Variants in CDH8 observed in about 807,000 individuals in gnomAD.
The protein encoded by CDH8 is cadherin 8.
Under a neutral mutation model 68.1 loss-of-function variants are expected in CDH8, and 17 were observed. The ratio of observed to expected loss-of-function variants is 0.25; its 90% CI spans 0.17 to 0.37. The LOEUF (loss-of-function observed/expected upper bound fraction) is 0.37. CDH8 is among the 10% of genes least tolerant of loss of function. The pLI, the probability that CDH8 is intolerant of heterozygous loss-of-function variation, is 1.00. For synonymous variants in CDH8, 372 were observed against 365.1 expected, an observed-to-expected ratio of 1.02 and a Z score of -0.21; for missense variants, 763 against 999.3, an observed-to-expected ratio of 0.76 and a Z score of 3.19.
At chr16:61,826,995 TA>T (rs1962350382) in intron 4 of CDH8, among the ~76,000 whole-genome samples, 1 of 142,702 alleles carries the variant, frequency 7.0e-6, no homozygotes, top group Non-Finnish European at 1.5e-5. Context: ...TAGTTAGAAA[TA>T]AAAACAGAAA....
At chr16:61,980,675 G>T (rs1488455566) in intron 2 of CDH8, among the ~76,000 whole-genome samples, 1 of 152,132 alleles carries the variant, frequency 6.6e-6, no homozygotes, top group African/African-American at 2.4e-5. Context: ...AATGTAAAAA[G>T]TTGAGTAGAT....
intron 8 of CDH8, among the ~76,000 whole-genome samples, chr16:61,734,100 A>C (rs1487946744): frequency 1.3e-5 from 2 of 152,100 alleles, no homozygotes; most frequent in Non-Finnish European, 2.9e-5. Context: ...TTCTCTCAGA[A>C]CTTATAGTAC....
Position 61,757,180 on chromosome 16 carries a change from C to T in CDH8, c.1415-29965G>A, listed in dbSNP as rs139922228. ...GTTTTAGTGGATTTAAGAAACATTC[C>T]CGGGTCACACAGTGGGTTAGACTGC... On this transcript the variant is annotated intron_variant, in intron 8 of 11. Coordinates refer to ENST00000577390, the MANE Select transcript of CDH8 (RefSeq NM_001796.5). Among the ~76,000 whole-genome samples the T allele has an allele frequency of 1.4e-4, 21 of 152,090 alleles. No homozygotes were observed. The East Asian group carries it at 4.1e-3, about 29-fold the overall frequency.
intron 7 of CDH8, 23 bp downstream of exon 7, chr16:61,817,456 T>C (rs894841480): frequency 3.1e-6 from 5 of 1,612,496 alleles, no homozygotes; most frequent in East Asian, 4.5e-5. Context: ...CAGTAGCCAG[T>C]ATTCCTTTTA....
At chr16:61,705,234 C>T (rs1964505575) in intron 10 of CDH8, among the ~76,000 whole-genome samples, 1 of 152,066 alleles carries the variant, frequency 6.6e-6, no homozygotes, top group Non-Finnish European at 1.5e-5. Flanking sequence ...GAGATCAGAA[C>T]AATAGTATTC....
chr16:61,778,736 A>G (rs554811083), intron 8 of CDH8, among the ~76,000 whole-genome samples: 23 of 152,280 alleles, frequency 1.5e-4, no homozygotes, highest in African/African-American at 5.5e-4. Context: ...GGAAACTGAG[A>G]GTAAAAGAGA....
chr16:61,831,498 A>G (rs2143004339), intron 4 of CDH8, among the ~76,000 whole-genome samples: 1 of 151,970 alleles, frequency 6.6e-6, no homozygotes, highest in Non-Finnish European at 1.5e-5. Flanking sequence ...AGTTCCTCTT[A>G]GTGCTCAACA....
chr16:62,003,912 T>C (rs1448881508), intron 2 of CDH8, among the ~76,000 whole-genome samples: 1 of 152,192 alleles, frequency 6.6e-6, no homozygotes, highest in African/African-American at 2.4e-5. Context: ...GCATTTCTCC[T>C]TCCACTTAGT....
chr16:61,872,805 G>T (rs1224299515), intron 3 of CDH8, among the ~76,000 whole-genome samples: 1 of 152,026 alleles, frequency 6.6e-6, no homozygotes, highest in Non-Finnish European at 1.5e-5. Context: ...TTTTATTTTT[G>T]GTACAAAAGT....
At chr16:61,807,816 G>C (rs537051069) in intron 7 of CDH8, among the ~76,000 whole-genome samples, 1 of 152,296 alleles carries the variant, frequency 6.6e-6, no homozygotes, top group Admixed American at 6.5e-5. Context: ...ACTAGTTTGG[G>C]CCAAGTTTTG....
At chr16:61,953,620 C>T (rs942253126) in intron 2 of CDH8, among the ~76,000 whole-genome samples, 10 of 150,954 alleles carry the variant, frequency 6.6e-5, no homozygotes, top group African/African-American at 2.4e-4. Context: ...GCAATCCCAG[C>T]ACTTTGGAAG....
chr16:61,722,923 G>T (rs1229034576), intron 9 of CDH8, among the ~76,000 whole-genome samples: 1 of 150,606 alleles, frequency 6.6e-6, no homozygotes, highest in East Asian at 2.0e-4. Flanking sequence ...ACACCAAACA[G>T]CAACTTGTAT....
At chr16:61,795,929 C>CT (rs369934180) in intron 7 of CDH8, among the ~76,000 whole-genome samples, 224 of 152,114 alleles carry the variant, frequency 1.5e-3, no homozygotes, top group African/African-American at 4.9e-3. Flanking sequence ...CTGATTGACC[C>CT]TTTTTTAAGA....
At chr16:61,883,646 T>A (rs1165744511) in intron 3 of CDH8, among the ~76,000 whole-genome samples, 2 of 150,796 alleles carry the variant, frequency 1.3e-5, no homozygotes, top group Admixed American at 1.3e-4. Flanking sequence ...ATATCCCATG[T>A]AGGTTAATGG....
At chr16:61,840,693 T>C (rs1962665574) in intron 4 of CDH8, among the ~76,000 whole-genome samples, 1 of 152,152 alleles carries the variant, frequency 6.6e-6, no homozygotes. Context: ...CACTGCATGT[T>C]CTCACTTATA....
intron 5 of CDH8, among the ~76,000 whole-genome samples, chr16:61,823,410 A>G (rs1220233611): frequency 6.6e-6 from 1 of 151,912 alleles, no homozygotes; most frequent in Non-Finnish European, 1.5e-5. Flanking sequence ...TAGAAATATT[A>G]TCATTTATCT....
chr16:61,789,477 G>T lies in CDH8; in HGVS notation c.1283C>A (p.Ser428Tyr). ...CTCCAGGTCAGTGTGCCGGTCGATG[G>T]AAAACCTACAAAACAGACACATCTG... ...PDITSSPIRF[S>Y]IDRHTDLERQ... The change falls in exon 8 of 12, where the codon TCC (serine) becomes TAC (tyrosine). Residue 428 changes from serine to tyrosine, a missense_variant. Ser to Tyr is a moderately radical substitution (Grantham distance 144). Transcript: ENST00000577390. 1 of 1,612,210 alleles carries T rather than the reference G, an allele frequency of 6.2e-7. No homozygotes were observed. Among genetic ancestry groups the T allele is most frequent in the Non-Finnish European group, 8.5e-7 (1 of 1,179,000 alleles).
intron 2 of CDH8, among the ~76,000 whole-genome samples, chr16:61,913,871 T>A (rs1280225565): frequency 6.6e-6 from 1 of 152,158 alleles, no homozygotes; most frequent in Non-Finnish European, 1.5e-5. Flanking sequence ...ACAAAAATAA[T>A]CATTTCAAGC....
At chr16:61,696,371 A>G (rs1964326793) in intron 10 of CDH8, among the ~76,000 whole-genome samples, 1 of 152,190 alleles carries the variant, frequency 6.6e-6, no homozygotes, top group African/African-American at 2.4e-5. Context: ...AGTTTGTGTG[A>G]ATTAAATCAT....
Sources: allele counts gnomAD v4.1 joint callset (sites outside exome capture counted in the v4.1 genomes callset), GRCh38; gene constraint gnomAD v4.1.1; transcripts MANE v1.5; gene names NCBI Gene and HGNC (gene_info 2026-07-23, HGNC 2026-07-21).